Variants in SNX31 observed in about 807,000 individuals in gnomAD.
SNX31 encodes the protein sorting nexin 31.
SNX31 carries 58 observed loss-of-function variants against 65.4 expected under a neutral mutation model. The ratio of observed to expected loss-of-function variants is 0.89; its 90% CI spans 0.72 to 1.10. The LOEUF is 1.10. SNX31 is among the 50% of genes least tolerant of loss of function. The probability of loss-of-function intolerance (pLI) is 0.00; values close to 1 mark genes in which losing one functional copy is unlikely to be tolerated. For synonymous variants in SNX31, 181 were observed against 190.1 expected (o/e 0.95, Z 0.39); for missense variants, 523 against 529.7 (o/e 0.99, Z 0.12).
At position 100,585,186 on chromosome 8, in the gene SNX31, G is replaced by A. The variant is rs535885499; in HGVS notation, c.1093-998C>T. ...CTTATTCCAGGCTCTTCAATACTATGAGCAAAATTGAAGGTTCCCTGTGAT... is the reference window on the plus strand; with the variant it reads ...CTTATTCCAGGCTCTTCAATACTATAAGCAAAATTGAAGGTTCCCTGTGAT... On this transcript the variant is annotated intron_variant, in intron 11 of 13. Transcript: ENST00000311812. Among the ~76,000 whole-genome samples the A allele has an allele frequency of 1.3e-4, 20 of 152,234 alleles. No individual in the cohort carries two copies. The South Asian group carries it at 3.7e-3, about 28-fold the overall frequency.
intron 10 of SNX31, among the ~76,000 whole-genome samples, chr8:100,593,329 A>G (rs1814759906): frequency 1.3e-5 from 2 of 152,246 alleles, no homozygotes; most frequent in Non-Finnish European, 2.9e-5. Context: ...ACAAAGGTAT[A>G]TAAATAGCTT....
At chr8:100,617,938 G>C (rs930605047) in intron 4 of SNX31, 3 of 379,008 alleles carry the variant, frequency 7.9e-6, no homozygotes, top group African/African-American at 6.6e-5. Flanking sequence ...CTAATTTTTT[G>C]TATTTTTAGT....
At chr8:100,596,184 C>G (rs1016417570) in intron 10 of SNX31, among the ~76,000 whole-genome samples, 4 of 152,110 alleles carry the variant, frequency 2.6e-5, no homozygotes, top group Admixed American at 6.5e-5. Flanking sequence ...CAGCGCAGCC[C>G]CTGGTACAAA....
Position 100,630,430 on chromosome 8 carries a change from G to A in SNX31, c.257-39C>T, listed in dbSNP as rs756541061. The A allele has an allele frequency of 4.4e-6, 7 of 1,583,336 alleles. No individual in the cohort carries two copies. The South Asian group carries it at 6.8e-5, about 15-fold the overall frequency. ...ACGGTGAGCCAGGTTAGCATGGGCT[G>A]GGCTGGGCCCTGCCTATTAATTGCT... On this transcript the variant is annotated intron_variant, in intron 3 of 13. Transcript: ENST00000311812. The surrounding 1 kb of genome is among the most constrained non-coding windows in gnomAD (Gnocchi z 5.3).
chr8:100,621,129 G>T (rs1033236341), intron 4 of SNX31, among the ~76,000 whole-genome samples: 3 of 152,252 alleles, frequency 2.0e-5, no homozygotes, highest in Non-Finnish European at 4.4e-5. Context: ...GGGCGACAGA[G>T]CAAGACTCCA....
Position 100,617,643 on chromosome 8 carries a change from CTG to C in SNX31, c.407_408del (p.Ser136Ter). On this transcript the variant is annotated frameshift_variant, in exon 5 of 14. Transcript: ENST00000311812. LOFTEE classifies it high-confidence loss of function. ...ACCTCTAGGACTCTTTCAGCAGTGT[CTG>C]ATGTTATAATTTCGATTCTAATACT... ...EQSIRIEIITSDTAERVLEVV... is the reference protein window; with the variant it reads ...EQSIRIEIITXDTAERVLEVV... 1 of 1,612,344 alleles carries C rather than the reference CTG, an allele frequency of 6.2e-7. No individual in the cohort carries two copies. The highest frequency in any genetic ancestry group is 8.5e-7 in the Non-Finnish European group (1 of 1,178,684).
intron 1 of SNX31, among the ~76,000 whole-genome samples, chr8:100,661,301 C>T (rs1194163766): frequency 2.6e-5 from 4 of 151,976 alleles, no homozygotes; most frequent in African/African-American, 7.3e-5. Flanking sequence ...CCACTGCGCC[C>T]GGCAAAAGCA....
chr8:100,603,225 C>A (rs1057391742), intron 8 of SNX31, among the ~76,000 whole-genome samples: 4 of 152,136 alleles, frequency 2.6e-5, no homozygotes, highest in Non-Finnish European at 5.9e-5. Flanking sequence ...TGCCTTCTTT[C>A]CTGAATTGTA....
At chr8:100,605,927 G>C (rs1816113220) in intron 8 of SNX31, among the ~76,000 whole-genome samples, 1 of 152,144 alleles carries the variant, frequency 6.6e-6, no homozygotes, top group South Asian at 2.1e-4. Flanking sequence ...TATCAAACCA[G>C]ACACAGCTAA....
chr8:100,642,657 T>A (rs1819338579), intron 2 of SNX31, among the ~76,000 whole-genome samples: 1 of 152,170 alleles, frequency 6.6e-6, no homozygotes. Flanking sequence ...CAAATCCAAA[T>A]TCAACTCCAC....
At position 100,616,178 on chromosome 8, in the gene SNX31, T is replaced by C. The variant is rs180691431; in HGVS notation, c.432+1442A>G. On this transcript the variant is annotated intron_variant, in intron 5 of 13. Coordinates refer to ENST00000311812, the MANE Select transcript of SNX31 (RefSeq NM_152628.4). The stretch of plus-strand genomic sequence containing the variant: ...AATGTTGACCGAAACGTCATTATTA[T>C]GTGGCACATGACTGTAATTTGAATC... Among the ~76,000 whole-genome samples, 3 of 152,330 alleles carry C rather than the reference T, an allele frequency of 2.0e-5. No homozygotes were observed. In the East Asian group the frequency reaches 5.8e-4, roughly 29 times the overall value.
upstream of SNX31, among the ~76,000 whole-genome samples, chr8:100,650,832 T>C (rs183889946): frequency 0.019 from 2,669 of 143,690 alleles, 36 homozygotes; most frequent in Non-Finnish European, 0.027. Context: ...GGCAAATTAG[T>C]GTTTTTTGTG....
rs893394949 is a variant in SNX31 at position 100,594,325 on chromosome 8, AACAG to A, written c.978+2310_978+2313del. ...TCTCAAAACAAAACCAAAACAAGGA[AACAG>A]ACAAACAACAACAACAACAACAAAA... On this transcript the variant is annotated intron_variant, in intron 10 of 13. Transcript: ENST00000311812. The surrounding 1 kb of genome is among the most constrained non-coding windows in gnomAD (Gnocchi z 4.0). Among the ~76,000 whole-genome samples the A allele has an allele frequency of 1.9e-4, 29 of 152,144 alleles. No homozygotes were observed. The highest frequency in any genetic ancestry group is 3.8e-4 in the Non-Finnish European group (26 of 68,026).
Position 100,629,155 on chromosome 8 carries a change from G to GTA in SNX31, c.321+1170_321+1171dup, listed in dbSNP as rs1284810589. On this transcript the variant is annotated intron_variant, in intron 4 of 13. Transcript: ENST00000311812. The surrounding 1 kb of genome is among the most constrained non-coding windows in gnomAD (Gnocchi z 5.1). ...CATGATTGTGTGTGTGCATGTATGTGTATATATATGTGTGCATGTACATAT... is the reference window on the plus strand; with the variant it reads ...CATGATTGTGTGTGTGCATGTATGTGTATATATATATGTGTGCATGTACATAT... 6.6e-6 allele frequency among the ~76,000 whole-genome samples: 1 copy of GTA among 151,986 alleles called. No individual in the cohort carries two copies. The highest frequency in any genetic ancestry group is 2.4e-5 in the African/African-American group (1 of 41,354).
At chr8:100,631,580 G>A (rs890936128) in intron 3 of SNX31, among the ~76,000 whole-genome samples, 3 of 151,954 alleles carry the variant, frequency 2.0e-5, no homozygotes, top group Non-Finnish European at 2.9e-5. Flanking sequence ...TGGGATTACA[G>A]GAGTGCGCCA....
At chr8:100,641,990 A>G (rs1422904957) in intron 2 of SNX31, among the ~76,000 whole-genome samples, 1 of 151,710 alleles carries the variant, frequency 6.6e-6, no homozygotes. Context: ...GAGGCAGGAG[A>G]ATGGCGCGAA....
At chr8:100,639,157 C>T (rs1286517401) in intron 2 of SNX31, among the ~76,000 whole-genome samples, 3 of 152,160 alleles carry the variant, frequency 2.0e-5, no homozygotes, top group Non-Finnish European at 4.4e-5. Context: ...GTCAAAATTA[C>T]AACAGAACTT....
At chr8:100,635,769 G>A (rs188446601) in intron 3 of SNX31, 128 bp downstream of exon 3, 26 of 617,606 alleles carry the variant, frequency 4.2e-5, no homozygotes, top group African/African-American at 1.3e-4. Flanking sequence ...ATTAGATTAC[G>A]GTAATGGTCG....
chr8:100,657,017 T>A (rs563965660), intron 1 of SNX31, among the ~76,000 whole-genome samples: 1 of 152,228 alleles, frequency 6.6e-6, no homozygotes, highest in African/African-American at 2.4e-5. Flanking sequence ...GTCATCACCA[T>A]GCTAATGAAG....
Sources: allele counts gnomAD v4.1 joint callset (sites outside exome capture counted in the v4.1 genomes callset), GRCh38; gene constraint gnomAD v4.1.1; non-coding constraint Gnocchi (gnomAD v3.1); transcripts MANE v1.5; gene names NCBI Gene and HGNC (gene_info 2026-07-23, HGNC 2026-07-21).